Variants in ADAM7 observed in about 807,000 individuals in gnomAD.
ADAM7 encodes disintegrin and metalloproteinase domain-containing protein 7.
A neutral mutation model predicts 102.9 loss-of-function variants in ADAM7; 97 were observed. The observed-to-expected ratio is 0.94, with a 90% CI of 0.80 to 1.12. ADAM7 has a LOEUF of 1.12. ADAM7 is among the 50% of genes most tolerant of loss of function. ADAM7 has a pLI of 0.00. For synonymous variants in ADAM7, 334 were observed against 304.4 expected (o/e 1.10, Z -1.01); for missense variants, 991 against 908.7 (o/e 1.09, Z -1.16).
chr8:24,467,057 A>G, intron 6 of ADAM7, 69 bp downstream of exon 6: 1 of 1,409,764 alleles, frequency 7.1e-7, no homozygotes, highest in Non-Finnish European at 1.0e-6. Context: ...GTCTAGGGAT[A>G]AAGTATGAGT....
chr8:24,501,693 T>G, intron 20 of ADAM7, 117 bp downstream of exon 20: 1 of 649,112 alleles, frequency 1.5e-6, no homozygotes, highest in Non-Finnish European at 2.5e-6. Context: ...AGAGGAGCAA[T>G]TTAACATGGT....
Position 24,476,424 on chromosome 8 carries a change from T to C in ADAM7, c.634-9T>C. On this transcript the variant is annotated splice_polypyrimidine_tract_variant and intron_variant, in intron 7 of 21. Transcript: ENST00000175238. The stretch of plus-strand genomic sequence containing the variant: ...TTAATGAATATTAATATGATATTTA[T>C]ATTTCCAGTATCGCAGAAATGGTCA... 1 of 1,584,446 alleles carries C rather than the reference T, an allele frequency of 6.3e-7. No individual in the cohort carries two copies. Among genetic ancestry groups the C allele is most frequent in the African/African-American group, 1.3e-5 (1 of 74,352 alleles).
chr8:24,447,440 C>T (rs1230661568), intron 3 of ADAM7, among the ~76,000 whole-genome samples, 178 bp downstream of exon 3: 1 of 152,120 alleles, frequency 6.6e-6, no homozygotes, highest in Non-Finnish European at 1.5e-5. Flanking sequence ...AGCTTAAAGA[C>T]AATCACAGAT....
intron 17 of ADAM7, among the ~76,000 whole-genome samples, chr8:24,499,581 G>A (rs866619574): frequency 6.6e-6 from 1 of 152,032 alleles, no homozygotes; most frequent in Non-Finnish European, 1.5e-5. Context: ...AGTGATTCAT[G>A]TATGTATAAA....
chr8:24,509,468 A>G lies in ADAM7; in HGVS notation c.*922A>G, dbSNP rs1261245643. ...CTTGTGAACTGTTAAAGCTACATGC[A>G]TTATTTTTTTTCCATTTACTGAAAT... On this transcript the variant is annotated 3_prime_UTR_variant, in exon 22 of 22. Coordinates refer to ENST00000175238, the MANE Select transcript of ADAM7 (RefSeq NM_003817.4). 8.1e-6 allele frequency: 8 copies of G among 984,754 alleles called. No homozygotes were observed. Among genetic ancestry groups the G allele is most frequent in the Middle Eastern group, 1.0e-3 (2 of 1,934 alleles). 61.0% of individuals were successfully genotyped at this position (984,754 alleles called of 1,614,324 possible).
At chr8:24,456,308 C>T (rs992269052) in intron 3 of ADAM7, among the ~76,000 whole-genome samples, 2 of 152,124 alleles carry the variant, frequency 1.3e-5, no homozygotes, top group African/African-American at 2.4e-5. Flanking sequence ...CAGAATTTTC[C>T]TCTATTTTAA....
chr8:24,501,531 G>C lies in ADAM7; in HGVS notation c.2163G>C (p.Gln721His), dbSNP rs768945004. Residue 721 changes from glutamine (Q) to histidine (H), a missense_variant, in exon 20 of 22, where the codon CAG becomes CAC. Transcript: ENST00000175238. ...ACAAAGGATACTTTGGTGATGAGCAGCAGATAAGGACTGAGCCAATCCTGC... is the reference window on the plus strand; with the variant it reads ...ACAAAGGATACTTTGGTGATGAGCACCAGATAAGGACTGAGCCAATCCTGC... The part of the protein sequence containing the change: ...VENKGYFGDE[Q>H]QIRTEPILPE... 8 of 1,608,926 alleles carry C rather than the reference G, an allele frequency of 5.0e-6. No homozygotes were observed. The East Asian group carries it at 1.8e-4, about 36-fold the overall frequency.
intron 12 of ADAM7, 21 bp from the exon 13 acceptor site, chr8:24,490,778 C>T (rs766979078): frequency 1.2e-6 from 2 of 1,607,556 alleles, no homozygotes; most frequent in Non-Finnish European, 1.7e-6. Context: ...TTTCTCATCT[C>T]TCTTTTGTGG....
chr8:24,476,310 G>C lies in ADAM7; in HGVS notation c.634-123G>C. The C allele has an allele frequency of 4.6e-6, 3 of 659,162 alleles. No homozygotes were observed. In the South Asian group the frequency reaches 7.7e-5, roughly 17 times the overall value. The allele number at this position is 659,162 out of a possible 1,614,324, so 40.8% of individuals were successfully genotyped here. ...TCTAGTTTTTAGCTGAATGAAAGGAGTTCTCTTTCTTCATTAGGCCAATGA... is the reference window on the plus strand; with the variant it reads ...TCTAGTTTTTAGCTGAATGAAAGGACTTCTCTTTCTTCATTAGGCCAATGA... On this transcript the variant is annotated intron_variant, in intron 7 of 21. Transcript: ENST00000175238.
chr8:24,486,638 T>C (rs1308362677), intron 10 of ADAM7, among the ~76,000 whole-genome samples: 2 of 152,168 alleles, frequency 1.3e-5, no homozygotes, highest in Non-Finnish European at 2.9e-5. Context: ...CTTAGCAGAT[T>C]CGGTGTCTGG....
intron 8 of ADAM7, among the ~76,000 whole-genome samples, chr8:24,477,696 A>C (rs912733695): frequency 3.9e-5 from 6 of 151,958 alleles, no homozygotes; most frequent in Admixed American, 3.3e-4. Context: ...AAAGAAATTG[A>C]AATATTTCTT....
chr8:24,489,117 T>C (rs976720502), intron 11 of ADAM7, 42 bp from the exon 12 acceptor site: 5 of 1,552,274 alleles, frequency 3.2e-6, no homozygotes, highest in South Asian at 1.2e-5. Context: ...CCACTATGCA[T>C]TGATATGATT....
chr8:24,465,844 T>C (rs1819406186), intron 5 of ADAM7, 69 bp downstream of exon 5: 1 of 1,293,918 alleles, frequency 7.7e-7, no homozygotes. Flanking sequence ...TTAACTTTGT[T>C]GATTTTGTTT....
intron 16 of ADAM7, among the ~76,000 whole-genome samples, chr8:24,497,196 T>C (rs1820589447): frequency 6.6e-6 from 1 of 152,196 alleles, no homozygotes; most frequent in Non-Finnish European, 1.5e-5. Flanking sequence ...CTCCTTGCTT[T>C]CTGCCAAGAT....
At chr8:24,493,962 A>G (rs1820466435) in intron 16 of ADAM7, among the ~76,000 whole-genome samples, 1 of 152,202 alleles carries the variant, frequency 6.6e-6, no homozygotes, top group Non-Finnish European at 1.5e-5. Context: ...CCAAATTGGA[A>G]AGAGTTTTTT....
intron 16 of ADAM7, among the ~76,000 whole-genome samples, chr8:24,496,667 G>C (rs1330173733): frequency 6.6e-6 from 1 of 152,216 alleles, no homozygotes; most frequent in African/African-American, 2.4e-5. Context: ...TGACTGCCCT[G>C]CTGGATTCAG....
Position 24,465,771 on chromosome 8 carries a change from C to T in ADAM7, c.385C>T (p.Leu129=). 6.3e-7 allele frequency: 1 copy of T among 1,597,258 alleles called. No individual in the cohort carries two copies. The highest frequency in any genetic ancestry group is 1.1e-5 in the South Asian group (1 of 87,012). ...TGCCAGTATCAGTACGTGTAATGGT[C>T]TAAGGTAATGCAGAATATCTTTCTT... ...SAASISTCNG[L]RGFFRINDQR... Residue 129 remains leucine, a synonymous_variant, in exon 5 of 22, where the codon CTA becomes TTA. Transcript: ENST00000175238.
At chr8:24,485,056 G>A (rs1278779653) in intron 9 of ADAM7, among the ~76,000 whole-genome samples, 2 of 151,706 alleles carry the variant, frequency 1.3e-5, no homozygotes, top group Admixed American at 6.6e-5. Flanking sequence ...CACCTGCCTC[G>A]GCCTCCCAAG....
In ADAM7 at chr8:24,470,875, A is replaced by T. The variant is rs191807422; in HGVS notation, c.633+2055A>T. 1.3e-4 allele frequency among the ~76,000 whole-genome samples: 20 copies of T among 152,330 alleles called. No individual in the cohort carries two copies. The East Asian group carries it at 3.7e-3, about 28-fold the overall frequency. On this transcript the variant is annotated intron_variant, in intron 7 of 21. Transcript: ENST00000175238. ...TGTACTCTTATTGATATATTTAAAA[A>T]GTTAACTGTAAAATAGCTTAGGTGA...
Sources: gnomAD v4.1 joint callset for allele counts (sites outside exome capture counted in the v4.1 genomes callset) on GRCh38, gnomAD v4.1.1 for gene constraint, MANE v1.5 for transcripts, NCBI Gene and HGNC (gene_info 2026-07-23, HGNC 2026-07-21) for gene names.